Variants in EXOC4 observed in about 807,000 individuals in gnomAD.
EXOC4 encodes exocyst complex component 4, also known as SEC8-like 1.
A neutral mutation model predicts 107.2 loss-of-function variants in EXOC4; 71 were observed. The ratio of observed to expected loss-of-function variants is 0.66; its 90% CI spans 0.55 to 0.81. EXOC4 has a LOEUF of 0.81. Among genes scored for constraint, EXOC4 ranks in the 30% least tolerant of loss-of-function variants. The pLI is 0.00. For missense variants in EXOC4, 1,108 were observed against 1,189.6 expected, an observed-to-expected ratio of 0.93 and a Z score of 1.01; for synonymous variants, 456 against 441.2, an observed-to-expected ratio of 1.03 and a Z score of -0.42.
chr7:133,913,446 C>T (rs1585243861), intron 12 of EXOC4, among the ~76,000 whole-genome samples: 1 of 151,988 alleles, frequency 6.6e-6, no homozygotes, highest in African/African-American at 2.4e-5. Flanking sequence ...ATTGCCAAGT[C>T]CAGGTGAAAA....
At chr7:133,279,069 G>GTT (rs1794068588) in intron 2 of EXOC4, among the ~76,000 whole-genome samples, 1 of 151,900 alleles carries the variant, frequency 6.6e-6, no homozygotes, top group South Asian at 2.1e-4. Context: ...AACATGTGGT[G>GTT]TTTGGTTTTT....
intron 9 of EXOC4, among the ~76,000 whole-genome samples, chr7:133,604,823 A>C (rs191722583): frequency 8.3e-4 from 118 of 142,606 alleles, no homozygotes; most frequent in African/African-American, 3.0e-3. Context: ...TCCCGGATTT[A>C]AGTGTTTCTC....
At chr7:133,936,663 T>A (rs1800309219) in intron 13 of EXOC4, among the ~76,000 whole-genome samples, 1 of 152,134 alleles carries the variant, frequency 6.6e-6, no homozygotes, top group Non-Finnish European at 1.5e-5. Flanking sequence ...TTTGTTTTTG[T>A]TTTGTTTTTT....
At chr7:133,919,291 C>T (rs1008754864) in intron 13 of EXOC4, among the ~76,000 whole-genome samples, 1 of 152,136 alleles carries the variant, frequency 6.6e-6, no homozygotes, top group Non-Finnish European at 1.5e-5. Flanking sequence ...TCCCCTTACA[C>T]CTCCCCCAAC....
intron 7 of EXOC4, among the ~76,000 whole-genome samples, chr7:133,375,382 A>G (rs556014396): frequency 3.5e-4 from 54 of 152,276 alleles, no homozygotes; most frequent in African/African-American, 1.2e-3. Flanking sequence ...AGGCTGAGGC[A>G]GGAGAGTTGC....
chr7:133,967,443 C>T (rs994720266), intron 14 of EXOC4, among the ~76,000 whole-genome samples: 1 of 152,092 alleles, frequency 6.6e-6, no homozygotes, highest in Admixed American at 6.6e-5. Context: ...TAGATCTTTC[C>T]CGCTTTCTCC....
At chr7:133,902,341 C>A (rs868130342) in intron 12 of EXOC4, among the ~76,000 whole-genome samples, 1 of 152,234 alleles carries the variant, frequency 6.6e-6, no homozygotes, top group South Asian at 2.1e-4. Flanking sequence ...ATCTCAATAA[C>A]CATTAACAAA....
chr7:134,025,328 G>C (rs769217683), intron 17 of EXOC4, among the ~76,000 whole-genome samples: 9 of 152,038 alleles, frequency 5.9e-5, no homozygotes, highest in Admixed American at 3.3e-4. Flanking sequence ...ATTTTTTAAA[G>C]AAAAAGCAAA....
chr7:133,955,578 C>T (rs1431572068), intron 14 of EXOC4, among the ~76,000 whole-genome samples: 1 of 152,228 alleles, frequency 6.6e-6, no homozygotes, highest in East Asian at 1.9e-4. Context: ...GGACTGGCAG[C>T]CTGGCCCCCA....
chr7:133,759,051 T>C, intron 10 of EXOC4, among the ~76,000 whole-genome samples: 1 of 152,148 alleles, frequency 6.6e-6, no homozygotes, highest in East Asian at 1.9e-4. Context: ...TGAATTTTTT[T>C]GGATTTAGGG....
chr7:133,778,763 G>A (rs751443042), intron 10 of EXOC4, among the ~76,000 whole-genome samples: 8 of 152,196 alleles, frequency 5.3e-5, no homozygotes, highest in Admixed American at 2.0e-4. Context: ...TTGCTTTATC[G>A]AATCCCTTAT....
intron 5 of EXOC4, among the ~76,000 whole-genome samples, chr7:133,323,605 C>T (rs546833363): frequency 3.9e-5 from 6 of 152,090 alleles, no homozygotes; most frequent in South Asian, 2.1e-4. Context: ...CTGCTGGATT[C>T]GGTTTGCCAA....
At chr7:134,021,714 T>A (rs1585328316) in intron 17 of EXOC4, among the ~76,000 whole-genome samples, 1 of 112,732 alleles carries the variant, frequency 8.9e-6, no homozygotes. Context: ...GCAGATGGAG[T>A]CAAACCAGAA....
rs191070564 is a variant in EXOC4, at chr7:133,914,716, C to T, written c.1872-2867C>T. Among the ~76,000 whole-genome samples the T allele has an allele frequency of 1.2e-4, 18 of 152,292 alleles. No individual in the cohort carries two copies. The East Asian group carries it at 2.3e-3, about 20-fold the overall frequency. ...ACCCAGAAGAGGCAAATGCAGACTA[C>T]GTAACAGTGATATCTTGAAAATTCT... On this transcript the variant is annotated intron_variant, in intron 12 of 17. Transcript: ENST00000253861.
intron 7 of EXOC4, among the ~76,000 whole-genome samples, chr7:133,468,342 T>A (rs1403080715): frequency 1.1e-5 from 1 of 89,346 alleles, no homozygotes; most frequent in Non-Finnish European, 2.2e-5. Flanking sequence ...TTTCCTTTCC[T>A]TACTGCAGAA....
At chr7:134,087,312 G>A in the EXOC4 span, among the ~76,000 whole-genome samples, 48 of 152,258 alleles carry the variant, frequency 3.2e-4, 1 homozygote, top group Middle Eastern at 3.4e-3. Flanking sequence ...CTAACTATTA[G>A]AGTCTCTTGT....
At chr7:133,591,390 T>C (rs1801538300) in intron 9 of EXOC4, among the ~76,000 whole-genome samples, 1 of 152,204 alleles carries the variant, frequency 6.6e-6, no homozygotes, top group Non-Finnish European at 1.5e-5. Context: ...CATGTTGCCC[T>C]GTTAGAGGCT....
chr7:134,035,863 A>T (rs1313661656), intron 17 of EXOC4, among the ~76,000 whole-genome samples: 1 of 152,110 alleles, frequency 6.6e-6, no homozygotes, highest in Non-Finnish European at 1.5e-5. Context: ...TCTGGGCTTT[A>T]TCTTCATCAG....
At chr7:133,834,121 G>T (rs1797868375) in intron 11 of EXOC4, among the ~76,000 whole-genome samples, 1 of 152,076 alleles carries the variant, frequency 6.6e-6, no homozygotes. Flanking sequence ...AGAATTGTGG[G>T]ATATGATGAG....
Sources: gnomAD v4.1 joint callset for allele counts (sites outside exome capture counted in the v4.1 genomes callset) on GRCh38, gnomAD v4.1.1 for gene constraint, MANE v1.5 for transcripts, NCBI Gene and HGNC (gene_info 2026-07-23, HGNC 2026-07-21) for gene names.